The following ZPLD1 variants were observed in gnomAD, a reference collection of about 807,000 sequenced individuals.
ZPLD1 encodes the protein zona pellucida-like domain-containing protein 1.
A neutral mutation model predicts 47.2 loss-of-function variants in ZPLD1; 34 were observed. That is an observed-to-expected ratio of 0.72 (90% CI 0.55 to 0.96). The LOEUF is 0.96. Among genes scored for constraint, ZPLD1 ranks in the 40% least tolerant of loss-of-function variants. The pLI is 0.00. For missense variants in ZPLD1, 512 were observed against 505.8 expected (o/e 1.01, Z -0.12); for synonymous variants, 176 against 186.2 (o/e 0.95, Z 0.45).
At chr3:102,476,627 A>T (rs2107361892) in intron 10 of ZPLD1, among the ~76,000 whole-genome samples, 1 of 152,306 alleles carries the variant, frequency 6.6e-6, no homozygotes, top group Middle Eastern at 3.4e-3. Flanking sequence ...ATAGCAGGTT[A>T]TAGGGCCATA....
chr3:102,422,899 G>A (rs1382002538), intron 8 of ZPLD1, among the ~76,000 whole-genome samples: 1 of 151,926 alleles, frequency 6.6e-6, no homozygotes, highest in Non-Finnish European at 1.5e-5. Flanking sequence ...TTTCAAGCAG[G>A]GACATGACAT....
At position 102,458,149 on chromosome 3, in the gene ZPLD1, A is replaced by G. The variant is rs141677944; in HGVS notation, c.582+296A>G. Among the ~76,000 whole-genome samples, 5 of 152,278 alleles carry G rather than the reference A, an allele frequency of 3.3e-5. No individual in the cohort carries two copies. In the East Asian group the frequency reaches 7.7e-4, roughly 23 times the overall value. On this transcript the variant is annotated intron_variant, in intron 6 of 11. Coordinates refer to ENST00000466937, the MANE Select transcript of ZPLD1 (RefSeq NM_001329788.2). The stretch of plus-strand genomic sequence containing the variant: ...CATGTATTTATTTGTTTATTTAGGT[A>G]GGGGTGTGTGAGTAGCTACAGTTAG...
At chr3:102,390,640 T>C (rs79040329) in intron 6 of ZPLD1, among the ~76,000 whole-genome samples, 1,854 of 152,318 alleles carry the variant, frequency 0.012, 38 homozygotes, top group African/African-American at 0.042. Context: ...ATGAAGTGCA[T>C]GGTTTGCTGC....
chr3:102,450,278 T>C (rs1354755595), intron 3 of ZPLD1, among the ~76,000 whole-genome samples: 1 of 152,208 alleles, frequency 6.6e-6, no homozygotes. Context: ...TAATAAGATG[T>C]GCCAATCTTC....
chr3:102,430,660 T>C (rs921601125), upstream of ZPLD1, among the ~76,000 whole-genome samples: 1 of 152,238 alleles, frequency 6.6e-6, no homozygotes, highest in Non-Finnish European at 1.5e-5. Flanking sequence ...ATTGCCATTA[T>C]TCATTGTTGG....
chr3:102,420,377 A>T (rs1706862361), intron 8 of ZPLD1, among the ~76,000 whole-genome samples: 1 of 151,910 alleles, frequency 6.6e-6, no homozygotes. Context: ...GTCATATTCT[A>T]ATTGTTTATA....
At chr3:102,428,672 T>C (rs913369966) in intron 8 of ZPLD1, among the ~76,000 whole-genome samples, 4 of 151,074 alleles carry the variant, frequency 2.6e-5, no homozygotes, top group Admixed American at 2.0e-4. Flanking sequence ...TGCTTAAAAA[T>C]TAAAAAAATA....
intron 6 of ZPLD1, among the ~76,000 whole-genome samples, chr3:102,391,857 T>C (rs1240668235): frequency 6.6e-6 from 1 of 152,158 alleles, no homozygotes; most frequent in East Asian, 1.9e-4. Flanking sequence ...CTCAATTTGG[T>C]AGTGTTTTCC....
At chr3:102,438,622 T>G in intron 3 of ZPLD1, 29 bp downstream of exon 3, 1 of 1,535,918 alleles carries the variant, frequency 6.5e-7, no homozygotes, top group Non-Finnish European at 9.0e-7. Context: ...TATTCTCTAG[T>G]TGTTTCTGGA....
chr3:102,467,919 T>G (rs1439426395), intron 8 of ZPLD1, among the ~76,000 whole-genome samples: 1 of 147,374 alleles, frequency 6.8e-6, no homozygotes, highest in African/African-American at 2.5e-5. Context: ...AATTTGCAAC[T>G]TATATAACAA....
chr3:102,419,594 C>A (rs1329026775), intron 8 of ZPLD1, among the ~76,000 whole-genome samples: 1 of 151,080 alleles, frequency 6.6e-6, no homozygotes, highest in Non-Finnish European at 1.5e-5. Flanking sequence ...TTCTTTTCCC[C>A]TTAAAAGGGC....
intron 8 of ZPLD1, among the ~76,000 whole-genome samples, chr3:102,419,641 T>A (rs527512162): frequency 2.4e-4 from 37 of 151,936 alleles, no homozygotes; most frequent in African/African-American, 8.7e-4. Context: ...ACTGATTTTT[T>A]TTTTTTTGCA....
At chr3:102,477,134 C>A in intron 11 of ZPLD1, 93 bp downstream of exon 11, 1 of 1,422,842 alleles carries the variant, frequency 7.0e-7, no homozygotes, top group South Asian at 1.2e-5. Flanking sequence ...CTTGAGTTTT[C>A]CAAGTTTGGT....
At chr3:102,404,965 A>T (rs996683299) in intron 7 of ZPLD1, among the ~76,000 whole-genome samples, 1 of 152,024 alleles carries the variant, frequency 6.6e-6, no homozygotes, top group African/African-American at 2.4e-5. Flanking sequence ...ATAGTACTAT[A>T]CACTTTTCCA....
intron 8 of ZPLD1, among the ~76,000 whole-genome samples, chr3:102,429,589 A>G (rs1294301586): frequency 1.3e-5 from 2 of 152,156 alleles, no homozygotes; most frequent in Non-Finnish European, 2.9e-5. Flanking sequence ...AGAAAGTTTG[A>G]CTATGACTTG....
chr3:102,462,368 T>C lies in ZPLD1; in HGVS notation c.670T>C (p.Leu224=), dbSNP rs764094090. 1 of 1,607,602 alleles carries C rather than the reference T, an allele frequency of 6.2e-7. No homozygotes were observed. Among genetic ancestry groups the C allele is most frequent in the South Asian group, 1.1e-5 (1 of 89,938 alleles). Residue 224 remains leucine, a synonymous_variant, in exon 7 of 12, where the codon TTG becomes CTG. Transcript: ENST00000466937. ...ATTTGCAGCTGTCCAAGCCACTAAT[T>C]TGGATGGCAGGTAATTTCAAACTCT... The part of the protein sequence containing the change: ...KVFAAVQATN[L]DGRWNVLMDY...
intron 6 of ZPLD1, among the ~76,000 whole-genome samples, chr3:102,387,281 AC>A (rs1048348865): frequency 6.6e-6 from 1 of 152,164 alleles, no homozygotes; most frequent in Non-Finnish European, 1.5e-5. Context: ...ATTCCATTTT[AC>A]ATGTCTTCTG....
Position 102,438,586 on chromosome 3 carries a change from AT to A in ZPLD1, c.102del (p.Pro35LeufsTer17). ...ACTGTGATGCCAACCTCCACAGTAG[AT>A]TTCCTGGTAAGTGTAAGCCTAATCT... ...YNCDANLHSRFPAERDISVYC... is the reference protein window; with the variant it reads ...YNCDANLHSRXPAERDISVYC... On this transcript the variant is annotated frameshift_variant, in exon 3 of 12. Coordinates refer to ENST00000466937, the MANE Select transcript of ZPLD1 (RefSeq NM_001329788.2). LOFTEE classifies it high-confidence loss of function. 1 of 1,610,856 alleles carries A rather than the reference AT, an allele frequency of 6.2e-7. No homozygotes were observed. Among genetic ancestry groups the A allele is most frequent in the South Asian group, 1.1e-5 (1 of 90,998 alleles).
chr3:102,470,343 A>G lies in ZPLD1; in HGVS notation c.934-51A>G, dbSNP rs180879656. ...ATCTGCTTTCCAAATGGCCATAAAG[A>G]AACAATTCTGCGCCGGTGTGGAATT... On this transcript the variant is annotated intron_variant, in intron 9 of 11. Transcript: ENST00000466937. 2.8e-5 allele frequency: 41 copies of G among 1,469,102 alleles called. No homozygotes were observed. The African/African-American group carries it at 4.9e-4, about 17-fold the overall frequency. The allele number at this position is 1,469,102 out of a possible 1,614,324, so 91.0% of individuals were successfully genotyped here. A position where few individuals can be genotyped will look rare whatever the true frequency, so the allele number is the denominator to read the frequency against.
Sources: gnomAD v4.1 joint callset for allele counts (sites outside exome capture counted in the v4.1 genomes callset) on GRCh38, gnomAD v4.1.1 for gene constraint, MANE v1.5 for transcripts, NCBI Gene and HGNC (gene_info 2026-07-23, HGNC 2026-07-21) for gene names.